Variants in FLAD1 observed in about 807,000 individuals in gnomAD.
FLAD1 encodes the protein flavin adenine dinucleotide synthetase 1.
Under a neutral mutation model 55.0 loss-of-function variants are expected in FLAD1, and 35 were observed. The observed-to-expected ratio is 0.64, with a 90% confidence interval of 0.49 to 0.84. The LOEUF (loss-of-function observed/expected upper bound fraction) is 0.84. Ranked by LOEUF, FLAD1 falls within the 40% of genes least tolerant of loss-of-function variation. The pLI is 0.00. For missense variants in FLAD1, 665 were observed against 742.6 expected (o/e 0.90, Z 1.21); for synonymous variants, 267 against 303.0 (o/e 0.88, Z 1.23).
intron 5 of FLAD1, among the ~76,000 whole-genome samples, chr1:154,991,609 C>A (rs1211825781): frequency 6.6e-6 from 1 of 151,978 alleles, no homozygotes; most frequent in Non-Finnish European, 1.5e-5. Context: ...TTTCAAATGA[C>A]CACCATATTA....
chr1:154,992,561 A>T, intron 5 of FLAD1, 152 bp from the exon 6 acceptor site: 1 of 1,613,556 alleles, frequency 6.2e-7, no homozygotes, highest in Non-Finnish European at 8.5e-7. Flanking sequence ...CTTTGCATAC[A>T]TAGAGCAAGC....
In FLAD1 at chr1:154,988,714, G is replaced by T; in HGVS notation, c.982G>T (p.Asp328Tyr). Residue 328 changes from aspartate (D) to tyrosine (Y), a missense_variant, in exon 2 of 7, where the codon GAC becomes TAC. By Grantham distance (160) the Asp-to-Tyr change is radical. Coordinates refer to ENST00000292180, the MANE Select transcript of FLAD1 (RefSeq NM_025207.5). Reference sequence around the variant, plus strand: ...CTACTATCAGGTGAAGCTGACTCTAGACTCAGAGGAAGAAGGACCCCTGGA... The same window carrying T: ...CTACTATCAGGTGAAGCTGACTCTATACTCAGAGGAAGAAGGACCCCTGGA... ...SNYYQVKLTL[D>Y]SEEEGPLEEC... is the part of the protein sequence containing the mutation. 4.3e-6 allele frequency: 7 copies of T among 1,614,216 alleles called. No homozygotes were observed. Among genetic ancestry groups the T allele is most frequent in the Non-Finnish European group, 5.9e-6 (7 of 1,180,044 alleles).
In FLAD1 at chr1:154,991,223, A is replaced by ATATATATATATATATATGTATAT. The variant is rs58377614; in HGVS notation, c.1554+695_1554+696insTATATATATATATATATGTATAT. 3 of 116,096 alleles carry ATATATATATATATATATGTATAT rather than the reference A, an allele frequency of 2.6e-5. No individual in the cohort carries two copies. The East Asian group carries it at 7.8e-4, about 30-fold the overall frequency. The allele number at this position is 116,096 out of a possible 1,614,324, so 7.2% of individuals were successfully genotyped here. On this transcript the variant is annotated intron_variant, in intron 5 of 6. Coordinates refer to ENST00000292180, the MANE Select transcript of FLAD1 (RefSeq NM_025207.5). ...CTCTGTCTCAAAAAAAAAAAAAAAAAAAATATATATATATATATGTATATA... is the reference window on the plus strand; with the variant it reads ...CTCTGTCTCAAAAAAAAAAAAAAAAATATATATATATATATATGTATATAAATATATATATATATATGTATATA...
chr1:154,984,086 G>C lies in FLAD1; in HGVS notation c.372+20G>C, dbSNP rs1657453738. ...CTTAAGGTGTGTCTGGGACAGAAAA[G>C]GGGGGAGGGCGCTGCGTTCTCCTGT... On this transcript the variant is annotated intron_variant, in intron 1 of 6. Transcript: ENST00000292180. 5 of 1,481,400 alleles carry C rather than the reference G, an allele frequency of 3.4e-6. No homozygotes were observed. The highest frequency in any genetic ancestry group is 3.6e-6 in the Non-Finnish European group (4 of 1,112,804). 91.8% of individuals were successfully genotyped at this position (1,481,400 alleles called of 1,614,324 possible). A position where few individuals can be genotyped will look rare whatever the true frequency, so the allele number is the denominator to read the frequency against.
intron 5 of FLAD1, chr1:154,991,189 A>G (rs1657840897): frequency 7.2e-6 from 1 of 137,942 alleles, no homozygotes; most frequent in Non-Finnish European, 1.5e-5. Context: ...CCTGGGCAAC[A>G]GAACAAGACT....
intron 2 of FLAD1, 132 bp from the exon 3 acceptor site, chr1:154,989,428 T>C: frequency 2.2e-6 from 2 of 926,906 alleles, no homozygotes; most frequent in Admixed American, 2.8e-5. Context: ...GCGGGCAGCA[T>C]GAAGGAGTTT....
chr1:154,987,799 GTGGTGGCA>G, intron 1 of FLAD1: 1 of 582,172 alleles, frequency 1.7e-6, no homozygotes, highest in Non-Finnish European at 2.9e-6. Context: ...TGAGCTGAAT[GTGGTGGCA>G]CGCGCCTGTA....
chr1:154,992,923 G>A lies in FLAD1; in HGVS notation c.1650G>A (p.Arg550=). 1 of 1,614,034 alleles carries A rather than the reference G, an allele frequency of 6.2e-7. No individual in the cohort carries two copies. Among genetic ancestry groups the A allele is most frequent in the Non-Finnish European group, 8.5e-7 (1 of 1,179,984 alleles). ...CCAGATACACATCACTGGGGAGTCG[G>A]GAGAATACCGTGCGGAACCCGGCCC... is the stretch of plus-strand genomic sequence containing the variant. ...YDRGYTSLGS[R]ENTVRNPALK... Residue 550 remains arginine (R), a synonymous_variant, in exon 7 of 7, where the codon CGG becomes CGA. Transcript: ENST00000292180.
intron 1 of FLAD1, among the ~76,000 whole-genome samples, chr1:154,986,906 A>T (rs1254658856): frequency 1.3e-5 from 2 of 151,624 alleles, no homozygotes; most frequent in Non-Finnish European, 2.9e-5. Flanking sequence ...TCGGCAAAAA[A>T]TCCCAATTGA....
At chr1:154,991,614 A>G (rs1657873573) in intron 5 of FLAD1, among the ~76,000 whole-genome samples, 1 of 152,142 alleles carries the variant, frequency 6.6e-6, no homozygotes, top group African/African-American at 2.4e-5. Flanking sequence ...AATGACCACC[A>G]TATTAGACAG....
chr1:154,991,523 C>G (rs557729163), intron 5 of FLAD1, among the ~76,000 whole-genome samples: 2 of 152,114 alleles, frequency 1.3e-5, no homozygotes, highest in South Asian at 2.1e-4. Context: ...CCACTATACT[C>G]CAGCCTGAGC....
rs1657735934 is a variant in FLAD1, at chr1:154,988,771, C to T, written c.1039C>T (p.Pro347Ser). The change falls in exon 2 of 7, where the codon CCC (proline) becomes TCC (serine). Residue 347 changes from proline (P) to serine (S), a missense_variant. Physicochemically the swap from Pro to Ser is moderately conservative, Grantham distance 74 (BLOSUM62 -1). Coordinates refer to ENST00000292180, the MANE Select transcript of FLAD1 (RefSeq NM_025207.5). The stretch of plus-strand genomic sequence containing the variant: ...CTTGGCCTACCTGACTGCCCGTTTG[C>T]CCCAGGGATCGCTGGTCCCCTACAT... Reference protein sequence around the residue: ...ECLAYLTARLPQGSLVPYMPN... With the variant: ...ECLAYLTARLSQGSLVPYMPN... 1.2e-6 allele frequency: 2 copies of T among 1,614,064 alleles called. No individual in the cohort carries two copies. Among genetic ancestry groups the T allele is most frequent in the Non-Finnish European group, 1.7e-6 (2 of 1,180,048 alleles).
chr1:154,983,607 C>G lies in FLAD1; in HGVS notation c.-88C>G. ...TAGAGCAGACACTTGAGGAGACCAGCTCAGCAAACGGAAGACACTTAAAGT... is the reference window on the plus strand; with the variant it reads ...TAGAGCAGACACTTGAGGAGACCAGGTCAGCAAACGGAAGACACTTAAAGT... On this transcript the variant is annotated 5_prime_UTR_variant, in exon 1 of 7. Coordinates refer to ENST00000292180, the MANE Select transcript of FLAD1 (RefSeq NM_025207.5). 1.4e-6 allele frequency: 2 copies of G among 1,416,274 alleles called. No individual in the cohort carries two copies. The highest frequency in any genetic ancestry group is 1.9e-6 in the Non-Finnish European group (2 of 1,045,388). 87.7% of individuals were successfully genotyped at this position (1,416,274 alleles called of 1,614,324 possible). A position where few individuals can be genotyped will look rare whatever the true frequency, so the allele number is the denominator to read the frequency against.
chr1:154,983,549 G>A lies in FLAD1; in HGVS notation c.-146G>A, dbSNP rs1471701967. The A allele has an allele frequency of 2.6e-6, 2 of 784,000 alleles. No individual in the cohort carries two copies. Among genetic ancestry groups the A allele is most frequent in the East Asian group, 2.6e-5 (1 of 39,106 alleles). 48.6% of individuals were successfully genotyped at this position (784,000 alleles called of 1,614,324 possible). Reference sequence around the variant, plus strand: ...TGAAAAGGGCCAAGGCCCAGGATAAGGTAGACATTTAAAGGGGTACGGATG... The same window carrying A: ...TGAAAAGGGCCAAGGCCCAGGATAAAGTAGACATTTAAAGGGGTACGGATG... On this transcript the variant is annotated 5_prime_UTR_variant, in exon 1 of 7. Coordinates refer to ENST00000292180, the MANE Select transcript of FLAD1 (RefSeq NM_025207.5).
In FLAD1 at chr1:154,988,353, A is replaced by G; in HGVS notation, c.621A>G (p.Ala207=). Residue 207 remains alanine, a synonymous_variant, in exon 2 of 7, where the codon GCA becomes GCG. Coordinates refer to ENST00000292180, the MANE Select transcript of FLAD1 (RefSeq NM_025207.5). ...DELKPHPKLE[A]ATKALGGEGW... is the part of the protein sequence containing the mutation. ...TGAAGCCACACCCCAAGTTGGAAGC[A>G]GCCACCAAAGCCCTAGGAGGGGAAG... is the stretch of plus-strand genomic sequence containing the variant. 1 of 1,614,216 alleles carries G rather than the reference A, an allele frequency of 6.2e-7. No homozygotes were observed. Among genetic ancestry groups the G allele is most frequent in the Non-Finnish European group, 8.5e-7 (1 of 1,180,038 alleles).
At chr1:154,988,942 A>T in intron 2 of FLAD1, 93 bp downstream of exon 2, 2 of 1,574,404 alleles carry the variant, frequency 1.3e-6, no homozygotes, top group Non-Finnish European at 1.7e-6. Flanking sequence ...GCTTCCTGCA[A>T]ATCCCTGAGA....
At chr1:154,992,435 T>C in intron 5 of FLAD1, 1 of 804,912 alleles carries the variant, frequency 1.2e-6, no homozygotes, top group Non-Finnish European at 1.9e-6. Context: ...AGAGCCAGAC[T>C]CCGTCTCAAA....
chr1:154,989,434 A>T, intron 2 of FLAD1, 126 bp from the exon 3 acceptor site: 1 of 989,446 alleles, frequency 1.0e-6, no homozygotes, highest in Non-Finnish European at 1.4e-6. Context: ...AGCATGAAGG[A>T]GTTTGGACTT....
In FLAD1 at chr1:154,983,798, C is replaced by A; in HGVS notation, c.104C>A (p.Thr35Lys). The change falls in exon 1 of 7, where the codon ACG becomes AAG. Residue 35 changes from threonine (T) to lysine (K), a missense_variant. Transcript: ENST00000292180. ...EKTRVFLEGSTRTPALPHCLF... is the reference protein window; with the variant it reads ...EKTRVFLEGSKRTPALPHCLF... ...ACTAGGGTCTTCCTCGAAGGAAGCA[C>A]GCGCACGCCTGCTCTCCCCCATTGT... 1 of 1,614,174 alleles carries A rather than the reference C, an allele frequency of 6.2e-7. No individual in the cohort carries two copies. The highest frequency in any genetic ancestry group is 8.5e-7 in the Non-Finnish European group (1 of 1,180,022).
Sources: gnomAD v4.1 joint callset for allele counts (sites outside exome capture counted in the v4.1 genomes callset) on GRCh38, gnomAD v4.1.1 for gene constraint, MANE v1.5 for transcripts, NCBI Gene and HGNC (gene_info 2026-07-23, HGNC 2026-07-21) for gene names.